The following KRT71 variants were observed in gnomAD, a reference collection of about 807,000 sequenced individuals.
KRT71 encodes the protein keratin 71, also known as keratin, type II cytoskeletal 71.
Under a neutral mutation model 46.2 loss-of-function variants are expected in KRT71, and 42 were observed. The observed-to-expected ratio is 0.91, with a 90% CI of 0.71 to 1.18. KRT71 has a LOEUF of 1.18. KRT71 is among the 50% of genes most tolerant of loss of function. The probability of loss-of-function intolerance (pLI) is 0.00; values close to 1 mark genes in which losing one functional copy is unlikely to be tolerated. For missense variants in KRT71, 708 were observed against 677.9 expected, an observed-to-expected ratio of 1.04 and a Z score of -0.49; for synonymous variants, 292 against 277.8, an observed-to-expected ratio of 1.05 and a Z score of -0.51.
chr12:52,548,608 G>T, intron 4 of KRT71, 93 bp downstream of exon 4: 1 of 1,139,246 alleles, frequency 8.8e-7, no homozygotes, highest in Non-Finnish European at 1.3e-6. Flanking sequence ...GGGTCTCACT[G>T]AGGGCTGGGG....
intron 6 of KRT71, 67 bp downstream of exon 6, chr12:52,547,790 C>T (rs1939080721): frequency 6.4e-7 from 1 of 1,573,348 alleles, no homozygotes; most frequent in East Asian, 2.3e-5. Context: ...ATGTTCTCAG[C>T]AGCTCATCTC....
chr12:52,552,502 G>A (rs1030100033), intron 1 of KRT71, 135 bp downstream of exon 1: 1 of 879,640 alleles, frequency 1.1e-6, no homozygotes, highest in South Asian at 1.8e-5. Flanking sequence ...CCCTGTTGAT[G>A]GGATGTACCT....
At chr12:52,547,486 G>A (rs1487262368) in intron 6 of KRT71, among the ~76,000 whole-genome samples, 1 of 152,202 alleles carries the variant, frequency 6.6e-6, no homozygotes, top group African/African-American at 2.4e-5. Context: ...TGTGCTAGAT[G>A]CTGGGGAAAC....
chr12:52,549,492 G>A lies in KRT71; in HGVS notation c.657-139C>T, dbSNP rs1000124215. ...CGCAGAGTACTGGGCAGGGGTAAGT[G>A]GGGGAAGGCTTCCTGGAGGAGGGAA... On this transcript the variant is annotated intron_variant, in intron 2 of 8. Coordinates refer to ENST00000267119, the MANE Select transcript of KRT71 (RefSeq NM_033448.3). 1.9e-5 allele frequency: 13 copies of A among 702,134 alleles called. No individual in the cohort carries two copies. In the African/African-American group the frequency reaches 1.9e-4, roughly 10 times the overall value. The allele number at this position is 702,134 out of a possible 1,614,324, so 43.5% of individuals were successfully genotyped here. A position where few individuals can be genotyped will look rare whatever the true frequency, so the allele number is the denominator to read the frequency against.
intron 2 of KRT71, 59 bp from the exon 3 acceptor site, chr12:52,549,412 G>A: frequency 7.1e-7 from 1 of 1,405,146 alleles, no homozygotes. Context: ...TGCTTTCACA[G>A]GGCAGCGTTG....
At position 52,553,052 on chromosome 12, in the gene KRT71, G is replaced by T. The variant is rs1014275044; in HGVS notation, c.26C>A (p.Ser9Ter). Residue 9 changes from serine to a stop codon, truncating the protein, a stop_gained, in exon 1 of 9, where the codon TCG (serine) becomes TAG (stop). Coordinates refer to ENST00000267119, the MANE Select transcript of KRT71 (RefSeq NM_033448.3). LOFTEE classifies it high-confidence loss of function. ...GAAGCCCCCCTTGGCGGCAGCTCCC[G>T]ACTTGCAGGTGAATTGGCGGCTCAT... Reference protein sequence around the residue: MSRQFTCKSGAAAKGGFSG... With the variant: MSRQFTCK The T allele has an allele frequency of 1.9e-6, 3 of 1,586,912 alleles. No homozygotes were observed. The African/African-American group carries it at 4.0e-5, about 21-fold the overall frequency.
chr12:52,546,267 C>T lies in KRT71; in HGVS notation c.1325+19G>A, dbSNP rs1268812387. ...TCCCAAACCCCTGGGGCCCTCCTGT[C>T]TGGGCACGCCCCGCCCACCTGCACT... On this transcript the variant is annotated intron_variant, in intron 7 of 8. Coordinates refer to ENST00000267119, the MANE Select transcript of KRT71 (RefSeq NM_033448.3). The T allele has an allele frequency of 6.2e-7, 1 of 1,613,170 alleles. No homozygotes were observed. The highest frequency in any genetic ancestry group is 1.7e-5 in the Admixed American group (1 of 59,994).
Position 52,552,860 on chromosome 12 carries a change from C to A in KRT71, c.218G>T (p.Arg73Leu). 1 of 1,614,196 alleles carries A rather than the reference C, an allele frequency of 6.2e-7. No individual in the cohort carries two copies. The highest frequency in any genetic ancestry group is 8.5e-7 in the Non-Finnish European group (1 of 1,180,038). The change falls in exon 1 of 9, where the codon CGG becomes CTG. Residue 73 changes from arginine to leucine, a missense_variant. Physicochemically the swap from Arg to Leu is moderately radical, Grantham distance 102 (BLOSUM62 -2). Transcript: ENST00000267119. ...TCCAGCAAAGCCACTGGCCCGGCCC[C>A]GGCCAAATCCATAGCCTCCACTCTT... is the stretch of plus-strand genomic sequence containing the variant. ...SGKSGGYGFGRGRASGFAGSM... is the reference protein window; with the variant it reads ...SGKSGGYGFGLGRASGFAGSM...
chr12:52,552,493 C>T (rs150111080), intron 1 of KRT71, 144 bp downstream of exon 1: 6 of 814,170 alleles, frequency 7.4e-6, no homozygotes, highest in Admixed American at 2.9e-5. Context: ...CACAGGTCAC[C>T]CTGTTGATGG....
intron 5 of KRT71, 54 bp from the exon 6 acceptor site, chr12:52,548,036 T>C (rs1018375142): frequency 5.2e-5 from 83 of 1,608,672 alleles, no homozygotes; most frequent in Non-Finnish European, 5.9e-5. Flanking sequence ...GCATGTATCT[T>C]GGGATCAGAA....
intron 6 of KRT71, 137 bp from the exon 7 acceptor site, chr12:52,546,643 G>T: frequency 1.2e-6 from 1 of 846,374 alleles, no homozygotes; most frequent in Non-Finnish European, 1.8e-6. Context: ...CCTTGCAGCA[G>T]AGCCCCTTCT....
intron 8 of KRT71, among the ~76,000 whole-genome samples, chr12:52,545,151 A>G (rs1428950846): frequency 6.6e-6 from 1 of 152,322 alleles, no homozygotes; most frequent in East Asian, 1.9e-4. Context: ...TAAGCAATGC[A>G]GTGATCTGAT....
At chr12:52,550,388 G>A (rs1939148887) in intron 1 of KRT71, 145 bp from the exon 2 acceptor site, 2 of 1,029,432 alleles carry the variant, frequency 1.9e-6, no homozygotes, top group East Asian at 5.2e-5. Context: ...CTGCTATGGA[G>A]AGAAAACTGA....
In KRT71 at chr12:52,547,903, C is replaced by G; in HGVS notation, c.1058G>C (p.Arg353Pro). The G allele has an allele frequency of 6.2e-7, 1 of 1,614,172 alleles. No individual in the cohort carries two copies. Among genetic ancestry groups the G allele is most frequent in the Non-Finnish European group, 8.5e-7 (1 of 1,180,042 alleles). The change falls in exon 6 of 9, where the codon CGG (arginine) becomes CCG (proline). Residue 353 changes from arginine to proline, a missense_variant. Arg to Pro is a moderately radical substitution (Grantham distance 103). Transcript: ENST00000267119. Reference protein sequence around the residue: ...NTKNEISELTRLIQRIRSEIE... With the variant: ...NTKNEISELTPLIQRIRSEIE... The stretch of plus-strand genomic sequence containing the variant: ...CTCTGAGCGGATTCTCTGGATGAGC[C>G]GAGTGAGCTCCGAGATTTCATTCTT...
chr12:52,545,461 C>A (rs575283900), intron 8 of KRT71, 104 bp downstream of exon 8: 2 of 697,166 alleles, frequency 2.9e-6, no homozygotes, highest in East Asian at 5.7e-5. Flanking sequence ...AAAGCTTTTC[C>A]CTCTCTGGTT....
rs373273246 is a variant in KRT71, at chr12:52,544,515, G to C, written c.*17C>G. On this transcript the variant is annotated 3_prime_UTR_variant, in exon 9 of 9. Coordinates refer to ENST00000267119, the MANE Select transcript of KRT71 (RefSeq NM_033448.3). ...GAGCCGGGTCATGGAATGAGGCGGG[G>C]CCCGGGGCAGTCTTCTCTACCGACT... The C allele has an allele frequency of 4.5e-5, 72 of 1,608,292 alleles. No homozygotes were observed. Among genetic ancestry groups the C allele is most frequent in the Non-Finnish European group, 6.0e-5 (71 of 1,174,866 alleles).
At position 52,544,232 on chromosome 12, in the gene KRT71, T is replaced by C. The variant is rs1174536002; in HGVS notation, c.*300A>G. ...CCAGCAGAGTAGTTAGCGACTGCGC[T>C]AGAGGCCGGGCAGAGGAGGAAAGCT... On this transcript the variant is annotated 3_prime_UTR_variant, in exon 9 of 9. Coordinates refer to ENST00000267119, the MANE Select transcript of KRT71 (RefSeq NM_033448.3). 2.1e-6 allele frequency: 1 copy of C among 485,956 alleles called. No individual in the cohort carries two copies. The highest frequency in any genetic ancestry group is 1.9e-5 in the African/African-American group (1 of 51,630). 30.1% of individuals were successfully genotyped at this position (485,956 alleles called of 1,614,324 possible).
chr12:52,551,571 G>C (rs1051103808), intron 1 of KRT71, among the ~76,000 whole-genome samples: 1 of 152,192 alleles, frequency 6.6e-6, no homozygotes, highest in Non-Finnish European at 1.5e-5. Flanking sequence ...TGAGCTGCAG[G>C]AGCTGGCTAA....
At chr12:52,548,343 C>A in intron 4 of KRT71, 27 bp from the exon 5 acceptor site, 1 of 1,585,772 alleles carries the variant, frequency 6.3e-7, no homozygotes, top group Non-Finnish European at 8.6e-7. Flanking sequence ...AATGGTCTCT[C>A]GGCTCAACTG....
Sources: allele counts gnomAD v4.1 joint callset (sites outside exome capture counted in the v4.1 genomes callset), GRCh38; gene constraint gnomAD v4.1.1; transcripts MANE v1.5; gene names NCBI Gene and HGNC (gene_info 2026-07-23, HGNC 2026-07-21).